Variants in PCDHGA10 observed in about 807,000 individuals in gnomAD.
PCDHGA10 encodes protocadherin gamma-A10.
Under a neutral mutation model 59.5 loss-of-function variants are expected in PCDHGA10, and 42 were observed. The observed-to-expected ratio is 0.71, with a 90% CI of 0.55 to 0.91. The LOEUF (loss-of-function observed/expected upper bound fraction) is 0.91, where lower values mean the gene tolerates loss of function less well. PCDHGA10 is among the 40% of genes least tolerant of loss of function. The probability of loss-of-function intolerance (pLI) is 0.00; values close to 1 mark genes in which losing one functional copy is unlikely to be tolerated. For missense variants in PCDHGA10, 1,111 were observed against 1,198.2 expected, an observed-to-expected ratio of 0.93 and a Z score of 1.07; for synonymous variants, 511 against 517.2, an observed-to-expected ratio of 0.99 and a Z score of 0.16.
chr5:141,454,097 C>T (rs1021353610), intron 1 of PCDHGA10, among the ~76,000 whole-genome samples: 10 of 152,292 alleles, frequency 6.6e-5, no homozygotes, highest in Middle Eastern at 3.4e-3. Flanking sequence ...TTGAATTGAA[C>T]ATAAATGGAG....
At chr5:141,500,699 A>G (rs780869966) in intron 2 of PCDHGA10, among the ~76,000 whole-genome samples, 1 of 152,156 alleles carries the variant, frequency 6.6e-6, no homozygotes, top group Non-Finnish European at 1.5e-5. Context: ...TCTTCTTTGC[A>G]GTGTATCATG....
chr5:141,484,277 G>T (rs1026083889), intron 1 of PCDHGA10, among the ~76,000 whole-genome samples: 1 of 152,126 alleles, frequency 6.6e-6, no homozygotes, highest in South Asian at 2.1e-4. Context: ...TTACTGTTTT[G>T]AAACATCTCC....
chr5:141,478,186 C>T, intron 1 of PCDHGA10: 2 of 1,614,016 alleles, frequency 1.2e-6, no homozygotes, highest in Non-Finnish European at 1.7e-6. Context: ...AAAAAAATCT[C>T]ACCTTTTATC....
At position 141,476,030 on chromosome 5, in the gene PCDHGA10, G is replaced by A; in HGVS notation, c.2437-18777G>A. On this transcript the variant is annotated intron_variant, in intron 1 of 3. Coordinates refer to ENST00000398610, the MANE Select transcript of PCDHGA10 (RefSeq NM_018913.3). This position sits in a 1 kb window ranked among gnomAD's most constrained non-coding sequence, Gnocchi z 7.6. ...AAAGCCATGTCGGACTCGGCGCCCA[G>A]CGCCCAAGCGCTAACCCGCTGAAAG... 2.7e-6 allele frequency: 4 copies of A among 1,459,176 alleles called. No individual in the cohort carries two copies. The highest frequency in any genetic ancestry group is 3.6e-6 in the Non-Finnish European group (4 of 1,096,658). The allele number at this position is 1,459,176 out of a possible 1,614,324, so 90.4% of individuals were successfully genotyped here. A position where few individuals can be genotyped will look rare whatever the true frequency, so the allele number is the denominator to read the frequency against.
Position 141,485,208 on chromosome 5 carries a change from G to T in PCDHGA10, c.2437-9599G>T, listed in dbSNP as rs2099609377. On this transcript the variant is annotated intron_variant, in intron 1 of 3. Coordinates refer to ENST00000398610, the MANE Select transcript of PCDHGA10 (RefSeq NM_018913.3). This position sits in a 1 kb window ranked among gnomAD's most constrained non-coding sequence, Gnocchi z 5.7. ...AAGGTGAGAAGCTGGACAGAAATCT[G>T]GCGGTGGGCTACCCTTTTGTTCCTC... The T allele has an allele frequency of 6.2e-7, 1 of 1,613,998 alleles. No homozygotes were observed. The highest frequency in any genetic ancestry group is 1.3e-5 in the African/African-American group (1 of 74,930).
At chr5:141,453,175 A>G (rs928062909) in intron 1 of PCDHGA10, among the ~76,000 whole-genome samples, 2 of 152,088 alleles carry the variant, frequency 1.3e-5, no homozygotes, top group African/African-American at 4.8e-5. Context: ...GTCCAGTGGT[A>G]CAATCACAGC....
rs780685517 is a variant in PCDHGA10 at position 141,489,548 on chromosome 5, T to C, written c.2437-5259T>C. 6.2e-7 allele frequency: 1 copy of C among 1,614,136 alleles called. No individual in the cohort carries two copies. Among genetic ancestry groups the C allele is most frequent in the South Asian group, 1.1e-5 (1 of 91,086 alleles). On this transcript the variant is annotated intron_variant, in intron 1 of 3. Coordinates refer to ENST00000398610, the MANE Select transcript of PCDHGA10 (RefSeq NM_018913.3). This position sits in a 1 kb window ranked among gnomAD's most constrained non-coding sequence, Gnocchi z 4.5. ...CTATGTGGAGCCAGCACCAGCTGCCTGCTGCCAGTGCAGGTGGTGACTGAA... is the reference window on the plus strand; with the variant it reads ...CTATGTGGAGCCAGCACCAGCTGCCCGCTGCCAGTGCAGGTGGTGACTGAA...
intron 1 of PCDHGA10, chr5:141,418,184 G>A: frequency 6.2e-7 from 1 of 1,614,096 alleles, no homozygotes; most frequent in Non-Finnish European, 8.5e-7. Flanking sequence ...ATTGGAAGCT[G>A]TGGTGGAAAA....
rs752720166 is a variant in PCDHGA10, at chr5:141,419,978, G to C, written c.2436+4367G>C. 1.9e-6 allele frequency: 3 copies of C among 1,614,076 alleles called. No homozygotes were observed. In the South Asian group the frequency reaches 3.3e-5, roughly 18 times the overall value. On this transcript the variant is annotated intron_variant, in intron 1 of 3. Transcript: ENST00000398610. Reference sequence around the variant, plus strand: ...GATTTCTGTGCTCTTTCTCCTCGCGGTGATTCTAGCTATTGCTCTACGCCT... The same window carrying C: ...GATTTCTGTGCTCTTTCTCCTCGCGCTGATTCTAGCTATTGCTCTACGCCT...
At chr5:141,478,936 G>A in intron 1 of PCDHGA10, 1 of 633,220 alleles carries the variant, frequency 1.6e-6, no homozygotes, top group African/African-American at 1.9e-5. Context: ...GCAGCTTCTA[G>A]GAATACAAAA....
chr5:141,489,428 G>A lies in PCDHGA10; in HGVS notation c.2437-5379G>A, dbSNP rs561792279. The A allele has an allele frequency of 2.5e-5, 40 of 1,614,112 alleles. No homozygotes were observed. In the Middle Eastern group the frequency reaches 4.9e-4, roughly 20 times the overall value. ...AAGATGACAGATCTGTTGAGCCGGC[G>A]GCTGCAATTGGGCTCTGAGGAGAAT... On this transcript the variant is annotated intron_variant, in intron 1 of 3. Transcript: ENST00000398610. This position sits in a 1 kb window ranked among gnomAD's most constrained non-coding sequence, Gnocchi z 4.5.
At chr5:141,480,033 C>T (rs370321166) in intron 1 of PCDHGA10, among the ~76,000 whole-genome samples, 1 of 152,106 alleles carries the variant, frequency 6.6e-6, no homozygotes, top group African/African-American at 2.4e-5. Flanking sequence ...AAGCCTCTTC[C>T]TCATATGCAA....
At chr5:141,418,045 G>A (rs754041387) in intron 1 of PCDHGA10, 2 of 1,614,002 alleles carry the variant, frequency 1.2e-6, no homozygotes, top group East Asian at 2.2e-5. Flanking sequence ...TGGATGTGTC[G>A]GCTCGCGAGC....
At chr5:141,421,700 C>A (rs755518757) in intron 1 of PCDHGA10, 2 of 1,613,900 alleles carry the variant, frequency 1.2e-6, no homozygotes, top group Non-Finnish European at 1.7e-6. Flanking sequence ...CTTCCTAATG[C>A]TAGGGATCCA....
Position 141,485,243 on chromosome 5 carries a change from C to A in PCDHGA10, c.2437-9564C>A. ...TACCCTTTTGTTCCTCTTTTACCACCTGGGTTACGTTTGTGGGCAGATCCG... is the reference window on the plus strand; with the variant it reads ...TACCCTTTTGTTCCTCTTTTACCACATGGGTTACGTTTGTGGGCAGATCCG... On this transcript the variant is annotated intron_variant, in intron 1 of 3. Transcript: ENST00000398610. This position sits in a 1 kb window ranked among gnomAD's most constrained non-coding sequence, Gnocchi z 5.7. 1 of 1,614,180 alleles carries A rather than the reference C, an allele frequency of 6.2e-7. No homozygotes were observed. The highest frequency in any genetic ancestry group is 8.5e-7 in the Non-Finnish European group (1 of 1,180,000).
rs1373678836 is a variant in PCDHGA10, at chr5:141,477,459, C to T, written c.2437-17348C>T. 6.2e-7 allele frequency: 1 copy of T among 1,614,186 alleles called. No homozygotes were observed. The highest frequency in any genetic ancestry group is 8.5e-7 in the Non-Finnish European group (1 of 1,180,034). On this transcript the variant is annotated intron_variant, in intron 1 of 3. Coordinates refer to ENST00000398610, the MANE Select transcript of PCDHGA10 (RefSeq NM_018913.3). This position sits in a 1 kb window ranked among gnomAD's most constrained non-coding sequence, Gnocchi z 4.9. ...CTTACAATAGTGCGTGTTCAAGTGTCCGACATCAATGACAACCCTCCACAA... is the reference window on the plus strand; with the variant it reads ...CTTACAATAGTGCGTGTTCAAGTGTTCGACATCAATGACAACCCTCCACAA...
At chr5:141,419,570 G>A (rs751047365) in intron 1 of PCDHGA10, 3 of 1,611,764 alleles carry the variant, frequency 1.9e-6, no homozygotes, top group Non-Finnish European at 2.5e-6. Flanking sequence ...GGGTCCCGAC[G>A]GCTCCGCGCT....
chr5:141,470,550 A>G (rs899475300), intron 1 of PCDHGA10, among the ~76,000 whole-genome samples: 1 of 152,120 alleles, frequency 6.6e-6, no homozygotes, highest in Non-Finnish European at 1.5e-5. Flanking sequence ...ATTTATTGAG[A>G]GTTTCCTCTG....
At chr5:141,497,201 G>A (rs1190666375) in intron 2 of PCDHGA10, among the ~76,000 whole-genome samples, 1 of 93,734 alleles carries the variant, frequency 1.1e-5, no homozygotes, top group African/African-American at 8.6e-5. Flanking sequence ...AGAACAATGT[G>A]AGTGTAATGG....
Sources: allele counts gnomAD v4.1 joint callset (sites outside exome capture counted in the v4.1 genomes callset), GRCh38; gene constraint gnomAD v4.1.1; non-coding constraint Gnocchi (gnomAD v3.1); transcripts MANE v1.5; gene names NCBI Gene and HGNC (gene_info 2026-07-23, HGNC 2026-07-21).